Variants in IL1RAPL2 observed in about 807,000 individuals in gnomAD.
IL1RAPL2 encodes the protein X-linked interleukin-1 receptor accessory protein-like 2.
A neutral mutation model predicts 44.1 loss-of-function variants in IL1RAPL2; 3 were observed. The observed-to-expected ratio is 0.07, with a 90% confidence interval of 0.03 to 0.18. The LOEUF (loss-of-function observed/expected upper bound fraction) is 0.18, where lower values mean the gene tolerates loss of function less well. Among genes scored for constraint, IL1RAPL2 ranks in the 10% least tolerant of loss-of-function variants. The pLI, the probability that IL1RAPL2 is intolerant of heterozygous loss-of-function variation, is 1.00. For missense variants in IL1RAPL2, 391 were observed against 496.4 expected, an observed-to-expected ratio of 0.79 and a Z score of 2.02; for synonymous variants, 181 against 178.8, an observed-to-expected ratio of 1.01 and a Z score of -0.10.
intron 2 of IL1RAPL2, among the ~76,000 whole-genome samples, chrX:104,814,045 A>C (rs1921070193): frequency 9.1e-6 from 1 of 110,360 alleles, no homozygotes; most frequent in Admixed American, 9.7e-5. Context: ...TCTTTTATTC[A>C]GTTATCCTAG....
chrX:104,787,896 T>A (rs949540185), intron 2 of IL1RAPL2, among the ~76,000 whole-genome samples: 1 of 111,768 alleles, frequency 8.9e-6, no homozygotes, highest in African/African-American at 3.3e-5. Flanking sequence ...TCAGAATCAC[T>A]GGACAAGGAT....
intron 2 of IL1RAPL2, among the ~76,000 whole-genome samples, chrX:105,092,994 T>G (rs187515679): frequency 9.0e-6 from 1 of 111,486 alleles, no homozygotes; most frequent in East Asian, 2.8e-4. Context: ...CTCATCTACC[T>G]TTTTCCTCTC....
At chrX:104,584,877 A>G (rs192866783) in intron 1 of IL1RAPL2, among the ~76,000 whole-genome samples, 4 of 110,768 alleles carry the variant, frequency 3.6e-5, no homozygotes, top group East Asian at 2.9e-4. Context: ...AGATAGACTC[A>G]GTAAAAACCC....
intron 4 of IL1RAPL2, among the ~76,000 whole-genome samples, chrX:105,251,771 T>G (rs1481651153): frequency 7.3e-5 from 8 of 109,989 alleles, no homozygotes; most frequent in African/African-American, 2.6e-4. Flanking sequence ...AAAATATATG[T>G]AATTAATAGC....
At chrX:104,748,969 T>C (rs1418552045) in intron 2 of IL1RAPL2, among the ~76,000 whole-genome samples, 1 of 110,890 alleles carries the variant, frequency 9.0e-6, no homozygotes, top group Non-Finnish European at 1.9e-5. Context: ...CCCTTCAATT[T>C]TAGAAGGAGA....
At chrX:104,729,181 C>T (rs1222837046) in intron 2 of IL1RAPL2, among the ~76,000 whole-genome samples, 2 of 111,370 alleles carry the variant, frequency 1.8e-5, no homozygotes, top group African/African-American at 6.5e-5. Context: ...GTAAGACATA[C>T]AATGGTAGAA....
intron 5 of IL1RAPL2, among the ~76,000 whole-genome samples, chrX:105,464,456 G>A (rs978580177): frequency 9.0e-6 from 1 of 111,338 alleles, no homozygotes; most frequent in African/African-American, 3.3e-5. Context: ...TTTTACCATA[G>A]GCTAATCCTA....
At chrX:104,651,023 T>C (rs1013738858) in intron 1 of IL1RAPL2, among the ~76,000 whole-genome samples, 3 of 112,202 alleles carry the variant, frequency 2.7e-5, no homozygotes, top group Non-Finnish European at 3.8e-5. Flanking sequence ...TATAACAGTT[T>C]AGCACAATGT....
At chrX:104,633,543 T>G (rs978930030) in intron 1 of IL1RAPL2, among the ~76,000 whole-genome samples, 2 of 111,929 alleles carry the variant, frequency 1.8e-5, no homozygotes, top group Non-Finnish European at 3.8e-5. Context: ...TGTTCAGAGA[T>G]TCAGCTTCTT....
intron 5 of IL1RAPL2, among the ~76,000 whole-genome samples, chrX:105,390,942 C>G (rs966415511): frequency 9.0e-6 from 1 of 111,049 alleles, no homozygotes; most frequent in African/African-American, 3.3e-5. Flanking sequence ...GAATAAAGAC[C>G]TGGGATAACC....
chrX:105,271,848 G>A (rs925094690), intron 5 of IL1RAPL2, among the ~76,000 whole-genome samples: 3 of 107,548 alleles, frequency 2.8e-5, no homozygotes, highest in South Asian at 4.3e-4. Context: ...TTTGTCTGTT[G>A]TTGGTGTATA....
intron 6 of IL1RAPL2, among the ~76,000 whole-genome samples, chrX:105,531,808 G>A (rs2147793338): frequency 9.0e-6 from 1 of 111,687 alleles, no homozygotes; most frequent in East Asian, 2.8e-4. Context: ...ATTTATTGAA[G>A]ACACTGGCTT....
chrX:105,638,193 C>A (rs542650910), intron 6 of IL1RAPL2, among the ~76,000 whole-genome samples: 2 of 111,855 alleles, frequency 1.8e-5, no homozygotes, highest in South Asian at 7.4e-4. Context: ...GGAAGAGCAT[C>A]ATATAGCTAC....
At chrX:104,947,677 C>A (rs1338379167) in intron 2 of IL1RAPL2, among the ~76,000 whole-genome samples, 2 of 110,246 alleles carry the variant, frequency 1.8e-5, no homozygotes, top group Non-Finnish European at 3.8e-5. Flanking sequence ...ATAGGGAATC[C>A]TTTCCCCATT....
intron 6 of IL1RAPL2, among the ~76,000 whole-genome samples, chrX:105,591,118 A>G (rs746854924): frequency 1.8e-3 from 193 of 109,638 alleles, no homozygotes; most frequent in African/African-American, 6.2e-3. Flanking sequence ...CAGGGTTTCA[A>G]TTTCTTCCTG....
At chrX:104,685,439 T>C (rs1930968647) in intron 2 of IL1RAPL2, among the ~76,000 whole-genome samples, 1 of 111,622 alleles carries the variant, frequency 9.0e-6, no homozygotes, top group African/African-American at 3.3e-5. Flanking sequence ...AAAGAGGTAA[T>C]TGAGGGGGCC....
At chrX:105,622,188 T>C (rs2037423397) in intron 6 of IL1RAPL2, among the ~76,000 whole-genome samples, 1 of 109,208 alleles carries the variant, frequency 9.2e-6, no homozygotes. Context: ...TTTTAAAGTA[T>C]TTAGGAGCTT....
intron 6 of IL1RAPL2, among the ~76,000 whole-genome samples, chrX:105,715,067 G>C (rs1204323881): frequency 8.9e-6 from 1 of 112,111 alleles, no homozygotes; most frequent in Non-Finnish European, 1.9e-5. Flanking sequence ...TGCTAGACTA[G>C]AGCATGTGGT....
chrX:105,174,281 C>G (rs892146947), intron 2 of IL1RAPL2, among the ~76,000 whole-genome samples: 1 of 111,944 alleles, frequency 8.9e-6, no homozygotes, highest in Admixed American at 9.5e-5. Context: ...AAGACTCACT[C>G]CATTCTCTTG....
Sources: gnomAD v4.1 joint callset for allele counts (sites outside exome capture counted in the v4.1 genomes callset) on GRCh38, gnomAD v4.1.1 for gene constraint, MANE v1.5 for transcripts, NCBI Gene and HGNC (gene_info 2026-07-23, HGNC 2026-07-21) for gene names.